Variants in TPH2 observed in about 807,000 individuals in gnomAD.
TPH2 encodes tryptophan 5-hydroxylase 2.
In TPH2, 27 loss-of-function variants were observed where a neutral mutation model predicts 59.1. The ratio of observed to expected loss-of-function variants is 0.46; its 90% CI spans 0.34 to 0.63. The LOEUF is 0.63. Among genes scored for constraint, TPH2 ranks in the 30% least tolerant of loss-of-function variants. The pLI is 0.01. For synonymous variants in TPH2, 220 were observed against 210.5 expected (o/e 1.05, Z -0.39); for missense variants, 523 against 588.3 (o/e 0.89, Z 1.15).
intron 8 of TPH2, among the ~76,000 whole-genome samples, chr12:72,008,134 G>A (rs553594274): frequency 5.3e-5 from 8 of 152,294 alleles, no homozygotes; most frequent in Admixed American, 4.6e-4. Flanking sequence ...ACTCACATCA[G>A]GTTCAAGGAG....
At chr12:71,994,687 C>A in intron 8 of TPH2, 122 bp downstream of exon 8, 5 of 1,246,860 alleles carry the variant, frequency 4.0e-6, no homozygotes, top group Non-Finnish European at 5.7e-6. Context: ...GTGAATTTAC[C>A]TTTTCCTATG....
chr12:71,943,077 T>A (rs933744196), intron 2 of TPH2, among the ~76,000 whole-genome samples: 1 of 152,218 alleles, frequency 6.6e-6, no homozygotes, highest in South Asian at 2.1e-4. Context: ...AAGCCCAACG[T>A]GACACAATGT....
Position 72,024,207 on chromosome 12 carries a change from C to T in TPH2, c.1164+1713C>T, listed in dbSNP as rs765768578. Among the ~76,000 whole-genome samples the T allele has an allele frequency of 2.6e-5, 4 of 152,174 alleles. No individual in the cohort carries two copies. In the East Asian group the frequency reaches 7.7e-4, roughly 29 times the overall value. On this transcript the variant is annotated intron_variant, in intron 9 of 10. Transcript: ENST00000333850. Reference sequence around the variant, plus strand: ...TGTGCCTGGCTCATATTAGGCCATGCCTGAGAAGCCTTCCTGTCAAGGGCC... The same window carrying T: ...TGTGCCTGGCTCATATTAGGCCATGTCTGAGAAGCCTTCCTGTCAAGGGCC...
chr12:72,023,821 G>GAAAAAAAAAAAAAAAAA (rs767208238), intron 9 of TPH2, among the ~76,000 whole-genome samples: 1 of 27,936 alleles, frequency 3.6e-5, no homozygotes, highest in Non-Finnish European at 8.4e-5. Context: ...GACTCTGACA[G>GAAAAAAAAAAAAAAAAA]AAAAAAAAAA....
chr12:72,026,752 T>C (rs1183132799), intron 9 of TPH2, among the ~76,000 whole-genome samples: 1 of 152,192 alleles, frequency 6.6e-6, no homozygotes. Flanking sequence ...GGTTGTTCCC[T>C]CAACCCTGCA....
chr12:71,941,038 A>G (rs763037593), intron 1 of TPH2, among the ~76,000 whole-genome samples: 3 of 152,212 alleles, frequency 2.0e-5, no homozygotes, highest in African/African-American at 7.2e-5. Context: ...ATTCACATTG[A>G]CAATGTGGAT....
chr12:71,971,098 C>CAG (rs1354167203), intron 5 of TPH2, among the ~76,000 whole-genome samples: 18 of 152,062 alleles, frequency 1.2e-4, no homozygotes, highest in Admixed American at 6.6e-5. Flanking sequence ...TTGTTATAGT[C>CAG]CTCTATCTCA....
chr12:72,021,300 T>C (rs879933408), intron 8 of TPH2, among the ~76,000 whole-genome samples: 6 of 152,030 alleles, frequency 3.9e-5, no homozygotes, highest in Non-Finnish European at 5.9e-5. Flanking sequence ...CAATTGAAGA[T>C]ATTAATGTCC....
chr12:71,988,548 G>A (rs1314177702), intron 7 of TPH2, among the ~76,000 whole-genome samples: 1 of 152,156 alleles, frequency 6.6e-6, no homozygotes, highest in Non-Finnish European at 1.5e-5. Context: ...ACCAGATCTC[G>A]GGAGAACTCA....
intron 5 of TPH2, among the ~76,000 whole-genome samples, chr12:71,966,990 G>T (rs953193104): frequency 2.6e-4 from 39 of 152,166 alleles, no homozygotes; most frequent in African/African-American, 8.9e-4. Context: ...ATAGCTTGCT[G>T]TTGGACCGCT....
rs776246945 is a variant in TPH2 at position 71,944,309 on chromosome 12, A to G, written c.271A>G (p.Met91Val). 1 of 1,613,794 alleles carries G rather than the reference A, an allele frequency of 6.2e-7. No homozygotes were observed. The highest frequency in any genetic ancestry group is 1.7e-5 in the Admixed American group (1 of 59,978). ...GTTTCCACAGGAAAAACGTGTCAAC[A>G]TGGTTCATATTGAATCCAGGAAATC... The part of the protein sequence containing the change: ...LRLFQEKRVN[M>V]VHIESRKSRR... The change falls in exon 3 of 11, where the codon ATG becomes GTG. Residue 91 changes from methionine (M) to valine (V), a missense_variant. By Grantham distance (21) the Met-to-Val change is conservative. Transcript: ENST00000333850.
Position 71,989,917 on chromosome 12 carries a change from A to G in TPH2, c.942-4522A>G, listed in dbSNP as rs1316416868. Among the ~76,000 whole-genome samples, 4 of 150,666 alleles carry G rather than the reference A, an allele frequency of 2.7e-5. No individual in the cohort carries two copies. The East Asian group carries it at 7.8e-4, about 29-fold the overall frequency. On this transcript the variant is annotated intron_variant, in intron 7 of 10. Transcript: ENST00000333850. ...ATCAGAGAAGATTCCAATTTAGAGC[A>G]GCAAAAGTTTAGTGTCTGATATCAG...
chr12:72,019,531 A>G (rs374657939), intron 8 of TPH2, among the ~76,000 whole-genome samples: 3 of 152,324 alleles, frequency 2.0e-5, no homozygotes, highest in South Asian at 4.1e-4. Flanking sequence ...AGCTTAAACA[A>G]TACCCCTTCA....
At chr12:71,961,880 T>G (rs1871695016) in intron 5 of TPH2, 1 of 1,113,404 alleles carries the variant, frequency 9.0e-7, no homozygotes. Flanking sequence ...TTATTTTCAT[T>G]ACGTCTCTTG....
chr12:71,952,518 A>G (rs560276992), intron 5 of TPH2, among the ~76,000 whole-genome samples: 4 of 152,294 alleles, frequency 2.6e-5, no homozygotes, highest in Non-Finnish European at 5.9e-5. Flanking sequence ...ATAGCAGAGG[A>G]GGCCAGATTA....
chr12:72,008,347 T>A (rs1045130491), intron 8 of TPH2, among the ~76,000 whole-genome samples: 1 of 152,236 alleles, frequency 6.6e-6, no homozygotes, highest in Non-Finnish European at 1.5e-5. Context: ...ATTAAGCCCA[T>A]GCTTGCCTAA....
intron 7 of TPH2, among the ~76,000 whole-genome samples, chr12:71,987,767 G>A (rs941844854): frequency 7.2e-5 from 11 of 152,220 alleles, no homozygotes; most frequent in Admixed American, 2.6e-4. Context: ...CAGGAGAATC[G>A]CTTGAACCCG....
At chr12:72,016,655 G>A (rs1166652410) in intron 8 of TPH2, among the ~76,000 whole-genome samples, 2 of 152,152 alleles carry the variant, frequency 1.3e-5, no homozygotes, top group African/African-American at 2.4e-5. Context: ...AATTCTAGAT[G>A]TGGAATGATG....
intron 8 of TPH2, among the ~76,000 whole-genome samples, chr12:72,010,528 T>C (rs1293354333): frequency 6.6e-6 from 1 of 152,136 alleles, no homozygotes; most frequent in Non-Finnish European, 1.5e-5. Context: ...AATAGAAGAC[T>C]GCTCAGTGCA....
Sources: allele counts gnomAD v4.1 joint callset (sites outside exome capture counted in the v4.1 genomes callset), GRCh38; gene constraint gnomAD v4.1.1; transcripts MANE v1.5; gene names NCBI Gene and HGNC (gene_info 2026-07-23, HGNC 2026-07-21).